ADAMTSL1: variants seen among roughly 807,000 people sequenced by gnomAD.
The protein encoded by ADAMTSL1 is ADAMTS-like protein 1.
ADAMTSL1 carries 126 observed loss-of-function variants against 201.8 expected under a neutral mutation model. The ratio of observed to expected loss-of-function variants is 0.62; its 90% CI spans 0.54 to 0.72. The LOEUF (loss-of-function observed/expected upper bound fraction) is 0.72, where lower values mean the gene tolerates loss of function less well. ADAMTSL1 is among the 30% of genes least tolerant of loss of function. The pLI is 0.00. For synonymous variants in ADAMTSL1, 1,121 were observed against 903.4 expected (o/e 1.24, Z -4.32); for missense variants, 2,679 against 2,277.8 (o/e 1.18, Z -3.59).
chr9:18,594,424 T>A (rs1033752490), intron 4 of ADAMTSL1, among the ~76,000 whole-genome samples: 7 of 152,286 alleles, frequency 4.6e-5, no homozygotes, highest in Admixed American at 3.9e-4. Flanking sequence ...CTCTACACCT[T>A]TCTTTCTCAG....
chr9:18,845,359 C>T (rs959818267), intron 23 of ADAMTSL1, among the ~76,000 whole-genome samples: 1 of 152,256 alleles, frequency 6.6e-6, no homozygotes, highest in Non-Finnish European at 1.5e-5. Flanking sequence ...TCATTCCAAC[C>T]TGAGTGTACA....
At chr9:18,574,624 G>C (rs1822591075) in intron 4 of ADAMTSL1, 2 of 260,988 alleles carry the variant, frequency 7.7e-6, no homozygotes, top group South Asian at 1.4e-4. Flanking sequence ...TGTGTATTTA[G>C]AGACTGGATT....
chr9:18,476,460 T>C (rs1003785129), intron 1 of ADAMTSL1, among the ~76,000 whole-genome samples: 6 of 152,166 alleles, frequency 3.9e-5, no homozygotes, highest in African/African-American at 1.4e-4. Context: ...TTCTGCATCA[T>C]CTTGATCATT....
intron 2 of ADAMTSL1, among the ~76,000 whole-genome samples, chr9:18,451,615 C>G (rs1820408661): frequency 6.6e-6 from 1 of 152,170 alleles, no homozygotes; most frequent in Non-Finnish European, 1.5e-5. Flanking sequence ...GGAAATGAAA[C>G]CTTACAAATT....
At chr9:18,894,244 G>A (rs1246085440) in intron 26 of ADAMTSL1, among the ~76,000 whole-genome samples, 1 of 152,174 alleles carries the variant, frequency 6.6e-6, no homozygotes, top group Non-Finnish European at 1.5e-5. Context: ...CAGCTACTCA[G>A]GAGGCTGAGG....
At chr9:18,557,374 T>C (rs1821168362) in intron 3 of ADAMTSL1, among the ~76,000 whole-genome samples, 1 of 152,034 alleles carries the variant, frequency 6.6e-6, no homozygotes, top group African/African-American at 2.4e-5. Context: ...CCACTTCCAG[T>C]TCTAGAATTG....
chr9:18,287,766 T>G (rs1022757041), intron 2 of ADAMTSL1, among the ~76,000 whole-genome samples: 3 of 145,648 alleles, frequency 2.1e-5, no homozygotes, highest in African/African-American at 7.6e-5. Context: ...TATATTGGGG[T>G]GCATATATAT....
Position 18,790,761 on chromosome 9 carries a change from T to C in ADAMTSL1, c.3678-4636T>C, listed in dbSNP as rs78293770. ...AAGGCCCCCAGAAAAACAAAACCGC[T>C]CCTTCATTTTCTGGCTAGAAGTAGG... On this transcript the variant is annotated intron_variant, in intron 19 of 28. Coordinates refer to ENST00000380548, the MANE Select transcript of ADAMTSL1 (RefSeq NM_001040272.6). Among the ~76,000 whole-genome samples, 415 of 152,196 alleles carry C rather than the reference T, an allele frequency of 2.7e-3. 22 individuals are homozygous for C. In the East Asian group the frequency reaches 0.073, roughly 27 times the overall value.
chr9:18,903,820 A>G (rs1229734555), intron 26 of ADAMTSL1, among the ~76,000 whole-genome samples: 4 of 152,030 alleles, frequency 2.6e-5, no homozygotes, highest in African/African-American at 9.7e-5. Context: ...CCCTCCACAT[A>G]CATGGGTTTC....
At chr9:18,664,028 A>T (rs1829274357) in intron 9 of ADAMTSL1, among the ~76,000 whole-genome samples, 1 of 152,126 alleles carries the variant, frequency 6.6e-6, no homozygotes, top group South Asian at 2.1e-4. Flanking sequence ...TAAAAAAGAA[A>T]GACACAAAGA....
chr9:17,961,703 T>C (rs563641077), intron 1 of ADAMTSL1, among the ~76,000 whole-genome samples: 4 of 152,320 alleles, frequency 2.6e-5, no homozygotes, highest in African/African-American at 9.6e-5. Context: ...GCTTTGCTGC[T>C]GTGTGAAGCA....
exon 1 of ADAMTSL1, chr9:17,906,914 G>C (rs1825733917): frequency 6.6e-6 from 1 of 152,266 alleles, no homozygotes; most frequent in African/African-American, 2.4e-5. Flanking sequence ...GCTCTGTATC[G>C]CCGGACAGGT....
intron 16 of ADAMTSL1, among the ~76,000 whole-genome samples, chr9:18,764,879 A>G (rs1407132171): frequency 6.6e-6 from 1 of 152,204 alleles, no homozygotes; most frequent in Non-Finnish European, 1.5e-5. Flanking sequence ...TTACATACCT[A>G]TATACTGTTG....
intron 2 of ADAMTSL1, among the ~76,000 whole-genome samples, chr9:18,194,369 A>C (rs895887510): frequency 2.6e-5 from 4 of 152,106 alleles, no homozygotes; most frequent in Non-Finnish European, 4.4e-5. Context: ...TTATAGCAGA[A>C]AATGAAGAGG....
chr9:18,514,710 T>C (rs190926523), intron 2 of ADAMTSL1, among the ~76,000 whole-genome samples: 455 of 152,368 alleles, frequency 3.0e-3, no homozygotes, highest in African/African-American at 0.011. Context: ...TAGAGTTTTC[T>C]GCTTATAAGA....
At chr9:18,406,974 A>G (rs943039456) in intron 2 of ADAMTSL1, among the ~76,000 whole-genome samples, 2 of 152,242 alleles carry the variant, frequency 1.3e-5, no homozygotes, top group Non-Finnish European at 2.9e-5. Context: ...TTATAACAAT[A>G]AAAGATTTAT....
intron 2 of ADAMTSL1, among the ~76,000 whole-genome samples, chr9:18,215,210 T>G (rs1830018028): frequency 6.6e-6 from 1 of 152,186 alleles, no homozygotes; most frequent in African/African-American, 2.4e-5. Context: ...CTGAATTTAT[T>G]TTACTGTAAT....
chr9:18,495,033 C>A (rs575329376), intron 1 of ADAMTSL1, among the ~76,000 whole-genome samples: 2 of 152,018 alleles, frequency 1.3e-5, no homozygotes, highest in East Asian at 3.9e-4. Flanking sequence ...AATGGTAGTA[C>A]CAGAATTAAG....
At chr9:18,749,645 A>T (rs1013262098) in intron 15 of ADAMTSL1, among the ~76,000 whole-genome samples, 2 of 152,158 alleles carry the variant, frequency 1.3e-5, no homozygotes, top group Non-Finnish European at 2.9e-5. Context: ...CACAGAACGC[A>T]CGGAATAGGG....
Sources: gnomAD v4.1 joint callset for allele counts (sites outside exome capture counted in the v4.1 genomes callset) on GRCh38, gnomAD v4.1.1 for gene constraint, MANE v1.5 for transcripts, NCBI Gene and HGNC (gene_info 2026-07-23, HGNC 2026-07-21) for gene names.